Variants in TNRC6A observed in about 807,000 individuals in gnomAD.
TNRC6A encodes the protein trinucleotide repeat-containing gene 6A protein.
A neutral mutation model predicts 221.2 loss-of-function variants in TNRC6A; 44 were observed. The ratio of observed to expected loss-of-function variants is 0.20; its 90% confidence interval spans 0.16 to 0.26. TNRC6A has a LOEUF of 0.26. Ranked by LOEUF, TNRC6A falls within the 10% of genes least tolerant of loss-of-function variation. The pLI, the probability that TNRC6A is intolerant of heterozygous loss-of-function variation, is 1.00. For synonymous variants in TNRC6A, 847 were observed against 838.5 expected (o/e 1.01, Z -0.18); for missense variants, 2,199 against 2,404.4 (o/e 0.91, Z 1.79).
chr16:24,701,675 C>G (rs2055980025), intron 2 of TNRC6A, among the ~76,000 whole-genome samples: 1 of 152,112 alleles, frequency 6.6e-6, no homozygotes, highest in South Asian at 2.1e-4. Flanking sequence ...CACTTACTAA[C>G]TTGTCTAACC....
chr16:24,744,482 C>T (rs1455801236), intron 2 of TNRC6A, among the ~76,000 whole-genome samples: 3 of 152,220 alleles, frequency 2.0e-5, no homozygotes, highest in African/African-American at 7.2e-5. Context: ...TTTGGTACTT[C>T]TCTCCATTCA....
At chr16:24,687,843 G>GAAGAAGAAGAAGAAGAA (rs1555489487) in intron 2 of TNRC6A, among the ~76,000 whole-genome samples, 12 of 101,912 alleles carry the variant, frequency 1.2e-4, no homozygotes, top group Non-Finnish European at 1.6e-4. Context: ...AAGAGGAAGA[G>GAAGAAGAAGAAGAAGAA]GAAGAAGAAG....
At chr16:24,756,516 T>G (rs2057254861) in intron 3 of TNRC6A, among the ~76,000 whole-genome samples, 1 of 152,216 alleles carries the variant, frequency 6.6e-6, no homozygotes, top group Admixed American at 6.5e-5. Context: ...ACACCTTAGG[T>G]GTCTCCATGG....
chr16:24,780,805 C>T (rs2057825124), intron 5 of TNRC6A, among the ~76,000 whole-genome samples: 1 of 151,248 alleles, frequency 6.6e-6, no homozygotes, highest in Non-Finnish European at 1.5e-5. Flanking sequence ...TGGTGAATGA[C>T]CAATAATTGG....
Position 24,776,952 on chromosome 16 carries a change from C to T in TNRC6A, c.183C>T (p.Pro61=). 6.2e-7 allele frequency: 1 copy of T among 1,613,654 alleles called. No homozygotes were observed. The highest frequency in any genetic ancestry group is 1.7e-4 in the Middle Eastern group (1 of 6,058). Residue 61 remains proline (P), a synonymous_variant, in exon 5 of 25, where the codon CCC becomes CCT. Coordinates refer to ENST00000395799, the MANE Select transcript of TNRC6A (RefSeq NM_014494.4). ...QKIKVPEQIK[P]SVSQPQPANS... is the part of the protein sequence containing the mutation. ...GATTAGTGCCAGAACAGATAAAGCCCAGTGTAAGCCAGCCTCAGCCTGCCA... is the reference window on the plus strand; with the variant it reads ...GATTAGTGCCAGAACAGATAAAGCCTAGTGTAAGCCAGCCTCAGCCTGCCA...
chr16:24,822,035 T>C (rs1221240263), intron 22 of TNRC6A, 42 bp from the exon 23 acceptor site: 13 of 1,601,040 alleles, frequency 8.1e-6, no homozygotes, highest in Non-Finnish European at 1.1e-5. Flanking sequence ...TTGGGCTCTT[T>C]CAGTCCTGGA....
chr16:24,807,066 T>C (rs918497658), intron 17 of TNRC6A, among the ~76,000 whole-genome samples: 58 of 151,296 alleles, frequency 3.8e-4, no homozygotes, highest in Non-Finnish European at 7.4e-5. Flanking sequence ...AGTGCAGTGG[T>C]GAGATCTTGG....
chr16:24,665,063 T>C (rs1044950638), intron 2 of TNRC6A: 17 of 445,362 alleles, frequency 3.8e-5, no homozygotes, highest in African/African-American at 3.4e-4. Context: ...TATTTATTTA[T>C]TTGTTTGTTT....
At position 24,693,288 on chromosome 16, in the gene TNRC6A, C is replaced by CA. The variant is rs879405678; in HGVS notation, n.402+52292dup. 5.3e-3 allele frequency among the ~76,000 whole-genome samples: 708 copies of CA among 132,404 alleles called. 4 individuals are homozygous for CA. Among genetic ancestry groups the CA allele is most frequent in the African/African-American group, 0.016 (565 of 36,142 alleles). The allele number at this position is 132,404 out of a possible 152,430, so 86.9% of individuals were successfully genotyped here. On this transcript the variant is annotated intron_variant and non_coding_transcript_variant, in intron 2 of 2. Coordinates refer to the TNRC6A transcript ENST00000566108. ...TAAGCAAAGTGAGATCCAGTCTCTA[C>CA]AAAAAAAAAAAAATTAGGCCAGACG...
At chr16:24,702,564 T>C (rs2056008162) in intron 2 of TNRC6A, among the ~76,000 whole-genome samples, 1 of 152,130 alleles carries the variant, frequency 6.6e-6, no homozygotes, top group Non-Finnish European at 1.5e-5. Flanking sequence ...TTGTCATTTT[T>C]TCAGTAACAG....
At chr16:24,776,469 C>G in intron 4 of TNRC6A, 1 of 985,370 alleles carries the variant, frequency 1.0e-6, no homozygotes, top group Non-Finnish European at 1.2e-6. Flanking sequence ...TTGTGTTGTT[C>G]TTGTGTTGTC....
chr16:24,744,441 T>G (rs1328247567), intron 2 of TNRC6A, among the ~76,000 whole-genome samples: 1 of 152,256 alleles, frequency 6.6e-6, no homozygotes, highest in African/African-American at 2.4e-5. Context: ...TCAACCATTC[T>G]TCTTACATTA....
chr16:24,763,658 A>G (rs1339510535), intron 4 of TNRC6A, among the ~76,000 whole-genome samples: 1 of 152,210 alleles, frequency 6.6e-6, no homozygotes, highest in African/African-American at 2.4e-5. Context: ...TCATTCATGA[A>G]ATACTTACTG....
At chr16:24,698,027 A>T (rs182303756) in intron 2 of TNRC6A, among the ~76,000 whole-genome samples, 4,278 of 151,296 alleles carry the variant, frequency 0.028, 206 homozygotes, top group African/African-American at 0.098. Context: ...GTCTCAAAAA[A>T]AAAAAAAAAA....
At position 24,653,415 on chromosome 16, in the gene TNRC6A, G is replaced by A. The variant is rs1037291687; in HGVS notation, n.402+12406G>A. ...AATCAAAAGCATTAAGTGGAAAAAA[G>A]TGGGGGTGATCTAAAATACATCAGA... On this transcript the variant is annotated intron_variant and non_coding_transcript_variant, in intron 2 of 2. Transcript: ENST00000566108. Among the ~76,000 whole-genome samples, 14 of 152,308 alleles carry A rather than the reference G, an allele frequency of 9.2e-5. No individual in the cohort carries two copies. The East Asian group carries it at 2.7e-3, about 29-fold the overall frequency.
At chr16:24,686,015 G>A (rs1423300228) in intron 2 of TNRC6A, among the ~76,000 whole-genome samples, 1 of 152,154 alleles carries the variant, frequency 6.6e-6, no homozygotes, top group Non-Finnish European at 1.5e-5. Context: ...TTAGTGCTGA[G>A]GATGTTGAGG....
At chr16:24,710,994 GC>G (rs1285379239) in intron 2 of TNRC6A, among the ~76,000 whole-genome samples, 1 of 151,976 alleles carries the variant, frequency 6.6e-6, no homozygotes, top group Non-Finnish European at 1.5e-5. Context: ...TCCTGCCTTA[GC>G]CTCCCGAGTA....
chr16:24,805,065 G>T lies in TNRC6A; in HGVS notation c.4036G>T (p.Gly1346Cys). 2 of 1,614,130 alleles carry T rather than the reference G, an allele frequency of 1.2e-6. No homozygotes were observed. Among genetic ancestry groups the T allele is most frequent in the Non-Finnish European group, 1.7e-6 (2 of 1,180,028 alleles). Reference sequence around the variant, plus strand: ...TGGAAACACAGCAGCACAACCCCGGGGCATGCAGCAGCCTCCAGCACAACC... The same window carrying T: ...TGGAAACACAGCAGCACAACCCCGGTGCATGCAGCAGCCTCCAGCACAACC... ...GVGNTAAQPRGMQQPPAQPLS... is the reference protein window; with the variant it reads ...GVGNTAAQPRCMQQPPAQPLS... Residue 1346 changes from glycine to cysteine, a missense_variant, in exon 14 of 25, where the codon GGC becomes TGC. Physicochemically the swap from Gly to Cys is radical, Grantham distance 159. Around this residue, in one of 8 missense-constraint regions of TNRC6A, gnomAD observed 449 missense variants for 579.7 expected, o/e 0.77. Transcript: ENST00000395799.
chr16:24,710,225 CA>C (rs57375431), intron 2 of TNRC6A, among the ~76,000 whole-genome samples: 8,201 of 129,386 alleles, frequency 0.063, 287 homozygotes, highest in Middle Eastern at 0.092. Flanking sequence ...AACTTCATCT[CA>C]AAAAAAAAAA....
Sources: allele counts gnomAD v4.1 joint callset (sites outside exome capture counted in the v4.1 genomes callset), GRCh38; gene constraint gnomAD v4.1.1; regional missense constraint gnomAD v4.1.1; transcripts MANE v1.5; gene names NCBI Gene and HGNC (gene_info 2026-07-23, HGNC 2026-07-21).